The following ARHGEF28 variants were observed in gnomAD, a reference collection of about 807,000 sequenced individuals.
The protein encoded by ARHGEF28 is 190 kDa guanine nucleotide exchange factor.
In ARHGEF28, 152 loss-of-function variants were observed where a neutral mutation model predicts 206.6. The ratio of observed to expected loss-of-function variants is 0.74; its 90% CI spans 0.64 to 0.84. The LOEUF (loss-of-function observed/expected upper bound fraction) is 0.84, where lower values mean the gene tolerates loss of function less well. ARHGEF28 is among the 40% of genes least tolerant of loss of function. ARHGEF28 has a pLI of 0.00. For synonymous variants in ARHGEF28, 763 were observed against 776.4 expected, an observed-to-expected ratio of 0.98 and a Z score of 0.29; for missense variants, 2,028 against 2,073.2, an observed-to-expected ratio of 0.98 and a Z score of 0.42.
intron 33 of ARHGEF28, chr5:73,908,902 G>C (rs1488597384): frequency 6.6e-6 from 1 of 152,334 alleles, no homozygotes; most frequent in Non-Finnish European, 1.5e-5. Flanking sequence ...TCTCCAAATA[G>C]TTGTTTTTTA....
intron 9 of ARHGEF28, among the ~76,000 whole-genome samples, chr5:73,814,671 G>A (rs1275455050): frequency 6.6e-6 from 1 of 152,070 alleles, no homozygotes; most frequent in African/African-American, 2.4e-5. Flanking sequence ...TGTCCTTCGG[G>A]AGCATACCTG....
At chr5:73,839,444 G>C (rs1478630350) in intron 10 of ARHGEF28, among the ~76,000 whole-genome samples, 1 of 152,086 alleles carries the variant, frequency 6.6e-6, no homozygotes. Flanking sequence ...TCTCTAAATG[G>C]TGTTACTGTC....
chr5:73,858,094 G>A lies in ARHGEF28; in HGVS notation c.1922G>A (p.Ser641Asn), dbSNP rs200252513. The A allele has an allele frequency of 5.6e-6, 9 of 1,605,544 alleles. No individual in the cohort carries two copies. The highest frequency in any genetic ancestry group is 6.8e-6 in the Non-Finnish European group (8 of 1,177,538). The change falls in exon 16 of 36, where the codon AGC becomes AAC. Residue 641 changes from serine (S) to asparagine (N), a missense_variant. By Grantham distance (46) the Ser-to-Asn change is conservative. Coordinates refer to ENST00000513042, the MANE Select transcript of ARHGEF28 (RefSeq NM_001177693.2). ...TSPRNKSKTK[S>N]KDAKDKEKLN... ...CTGCTGCTGCATCTGAAGACAAAAA[G>A]CAAGGATGCCAAAGATAAAGAGAAG...
At chr5:73,665,183 T>TA (rs1243738592) in intron 1 of ARHGEF28, among the ~76,000 whole-genome samples, 2 of 152,132 alleles carry the variant, frequency 1.3e-5, no homozygotes, top group Non-Finnish European at 2.9e-5. Flanking sequence ...CAGAAGATCT[T>TA]AAAAAAACAA....
Position 73,926,261 on chromosome 5 carries a change from T to G in ARHGEF28, c.4949-14583T>G, listed in dbSNP as rs73105731. Among the ~76,000 whole-genome samples, 988 of 152,320 alleles carry G rather than the reference T, an allele frequency of 6.5e-3. 9 individuals are homozygous for G. Among genetic ancestry groups the G allele is most frequent in the African/African-American group, 0.022 (917 of 41,576 alleles). ...GGAGATGGAAATTTTATTGGCTAAA[T>G]GTGGGCTGATTATAGGCAGGCAAAA... On this transcript the variant is annotated intron_variant, in intron 35 of 35. Transcript: ENST00000513042.
At chr5:73,884,222 A>G (rs1761125904) in intron 24 of ARHGEF28, among the ~76,000 whole-genome samples, 1 of 152,166 alleles carries the variant, frequency 6.6e-6, no homozygotes, top group South Asian at 2.1e-4. Context: ...CTGATGAAAC[A>G]TGCTATTGAT....
At chr5:73,707,696 T>C (rs996365233) in intron 2 of ARHGEF28, among the ~76,000 whole-genome samples, 2 of 152,224 alleles carry the variant, frequency 1.3e-5, no homozygotes, top group South Asian at 2.1e-4. Context: ...TTTTAACTTA[T>C]GTGAATTTTT....
intron 1 of ARHGEF28, among the ~76,000 whole-genome samples, chr5:73,683,210 A>C (rs1474560821): frequency 1.3e-5 from 2 of 152,166 alleles, no homozygotes; most frequent in Non-Finnish European, 2.9e-5. Flanking sequence ...AGACAACATA[A>C]AATTTACCAT....
Position 73,870,078 on chromosome 5 carries a change from A to T in ARHGEF28, c.2435A>T (p.Asp812Val), listed in dbSNP as rs1480145311. The stretch of plus-strand genomic sequence containing the variant: ...TCTAAACACACATTAGATGTTGTGG[A>T]TTCTTCTCTGTGGAGTGACCTCAGC... ...TESFIMEDVVDSSLWSDLSSD... is the reference protein window; with the variant it reads ...TESFIMEDVVVSSLWSDLSSD... The change falls in exon 21 of 36, where the codon GAT becomes GTT. Residue 812 changes from aspartate to valine, a missense_variant. By Grantham distance (152) the Asp-to-Val change is radical. This residue lies in a region of ARHGEF28 where 1,002 missense variants were observed against 1,015.3 expected (regional missense o/e 0.99). Transcript: ENST00000513042. The T allele has an allele frequency of 6.2e-7, 1 of 1,613,024 alleles. No homozygotes were observed. Among genetic ancestry groups the T allele is most frequent in the East Asian group, 2.2e-5 (1 of 44,884 alleles).
At chr5:73,820,093 A>C (rs1432599383) in intron 9 of ARHGEF28, among the ~76,000 whole-genome samples, 1 of 152,172 alleles carries the variant, frequency 6.6e-6, no homozygotes, top group Non-Finnish European at 1.5e-5. Context: ...TGAATATTGA[A>C]AGTGCCTCGT....
intron 1 of ARHGEF28, among the ~76,000 whole-genome samples, chr5:73,665,176 A>C (rs1009532729): frequency 6.6e-6 from 1 of 152,126 alleles, no homozygotes; most frequent in Non-Finnish European, 1.5e-5. Flanking sequence ...CTTCTGCCAG[A>C]AGATCTTAAA....
At chr5:73,786,039 C>G (rs1016504905) in intron 7 of ARHGEF28, among the ~76,000 whole-genome samples, 2 of 138,810 alleles carry the variant, frequency 1.4e-5, no homozygotes, top group African/African-American at 5.6e-5. Flanking sequence ...ATACCAGCCA[C>G]TGTTCTTGGC....
chr5:73,901,427 A>T, intron 31 of ARHGEF28, 143 bp downstream of exon 31: 1 of 597,946 alleles, frequency 1.7e-6, no homozygotes. Flanking sequence ...TCATATTTAA[A>T]CTTTCTAACT....
intron 1 of ARHGEF28, among the ~76,000 whole-genome samples, chr5:73,672,796 G>A (rs574600955): frequency 1.3e-5 from 2 of 152,214 alleles, no homozygotes; most frequent in African/African-American, 4.8e-5. Flanking sequence ...ATCACTTTGT[G>A]TGCAAATATA....
intron 1 of ARHGEF28, among the ~76,000 whole-genome samples, chr5:73,659,324 A>T (rs1428522605): frequency 6.6e-6 from 1 of 152,110 alleles, no homozygotes; most frequent in Non-Finnish European, 1.5e-5. Context: ...AGGTCAGGAG[A>T]TCAAGACCAT....
intron 7 of ARHGEF28, among the ~76,000 whole-genome samples, chr5:73,792,724 AAAACC>A (rs1030397929): frequency 3.4e-4 from 51 of 149,898 alleles, no homozygotes; most frequent in African/African-American, 1.2e-3. Flanking sequence ...TATGAGTTTC[AAAACC>A]AAACCAAATC....
At chr5:73,808,740 C>A (rs113781477) in intron 9 of ARHGEF28, among the ~76,000 whole-genome samples, 44 of 152,230 alleles carry the variant, frequency 2.9e-4, no homozygotes, top group African/African-American at 1.1e-3. Context: ...TTTCCAGGAA[C>A]AATGTCTAGT....
chr5:73,886,150 T>G (rs996457130), intron 25 of ARHGEF28, 46 bp downstream of exon 25: 2 of 1,556,952 alleles, frequency 1.3e-6, no homozygotes, highest in Non-Finnish European at 1.7e-6. Flanking sequence ...TACACATTAT[T>G]CATTTAACAG....
chr5:73,770,026 G>T (rs1753134432), intron 4 of ARHGEF28, among the ~76,000 whole-genome samples: 1 of 152,160 alleles, frequency 6.6e-6, no homozygotes, highest in South Asian at 2.1e-4. Context: ...TAAGCCTTTG[G>T]CTAATTGAAA....
Sources: allele counts gnomAD v4.1 joint callset (sites outside exome capture counted in the v4.1 genomes callset), GRCh38; gene constraint gnomAD v4.1.1; regional missense constraint gnomAD v4.1.1; transcripts MANE v1.5; gene names NCBI Gene and HGNC (gene_info 2026-07-23, HGNC 2026-07-21).